Variants in KIAA0586 observed in about 807,000 individuals in gnomAD.
KIAA0586 encodes the protein KIAA0586, also known as protein TALPID3.
In KIAA0586, 144 loss-of-function variants were observed where a neutral mutation model predicts 169.8. The observed-to-expected ratio is 0.85, with a 90% CI of 0.74 to 0.97. The LOEUF (loss-of-function observed/expected upper bound fraction) is 0.97, where lower values mean the gene tolerates loss of function less well. Ranked by LOEUF, KIAA0586 falls within the 50% of genes least tolerant of loss-of-function variation. KIAA0586 has a pLI of 0.00. For synonymous variants in KIAA0586, 625 were observed against 612.4 expected (o/e 1.02, Z -0.30); for missense variants, 1,854 against 1,823.0 (o/e 1.02, Z -0.31).
intron 30 of KIAA0586, among the ~76,000 whole-genome samples, chr14:58,541,038 A>G (rs74058005): frequency 0.013 from 2,023 of 152,346 alleles, 50 homozygotes; most frequent in African/African-American, 0.045. Context: ...CAAGAACTCA[A>G]TAAAACACAG....
intron 9 of KIAA0586, 21 bp from the exon 10 acceptor site, chr14:58,456,681 T>G: frequency 7.1e-7 from 1 of 1,400,920 alleles, no homozygotes. Flanking sequence ...TCTGTAGCGT[T>G]GAAACTCTAC....
At chr14:58,486,762 T>G (rs577510503) in intron 21 of KIAA0586, among the ~76,000 whole-genome samples, 1 of 152,352 alleles carries the variant, frequency 6.6e-6, no homozygotes, top group Non-Finnish European at 1.5e-5. Context: ...AAATTACTTC[T>G]TCTCTATTTT....
rs376529595 is a variant in KIAA0586, at chr14:58,513,975, T to C, written c.4429+1348T>C. On this transcript the variant is annotated intron_variant, in intron 29 of 30. Transcript: ENST00000652326. ...ACAGTTGGATTTAATACATTTGAAA[T>C]GTTTTACATTTAATTTTACATCTAA... Among the ~76,000 whole-genome samples, 4 of 152,202 alleles carry C rather than the reference T, an allele frequency of 2.6e-5. 1 individual carries two copies.
chr14:58,560,289 T>C, the KIAA0586 span, among the ~76,000 whole-genome samples: 30 of 152,182 alleles, frequency 2.0e-4, no homozygotes, highest in African/African-American at 7.0e-4. Flanking sequence ...ACATGTTTCT[T>C]GAGTGAACAA....
intron 29 of KIAA0586, among the ~76,000 whole-genome samples, chr14:58,533,587 C>A (rs1194605160): frequency 1.3e-5 from 2 of 152,150 alleles, no homozygotes; most frequent in Non-Finnish European, 2.9e-5. Context: ...AAGTTCCCAT[C>A]TGGTTTGTAT....
At chr14:58,472,309 A>G (rs1424848015) in intron 18 of KIAA0586, 30 bp downstream of exon 18, 1 of 1,286,312 alleles carries the variant, frequency 7.8e-7, no homozygotes. Context: ...ATGAGAAATT[A>G]TTTTTCTACC....
intron 4 of KIAA0586, among the ~76,000 whole-genome samples, chr14:58,435,541 C>T (rs1254339997): frequency 6.6e-6 from 1 of 152,082 alleles, no homozygotes; most frequent in East Asian, 1.9e-4. Context: ...TATAGTCATT[C>T]CTCCTATCTA....
At chr14:58,560,210 G>T in the KIAA0586 span, among the ~76,000 whole-genome samples, 1 of 151,816 alleles carries the variant, frequency 6.6e-6, no homozygotes, top group Non-Finnish European at 1.5e-5. Flanking sequence ...CCAACAGCTG[G>T]TGGGAGGGCC....
chr14:58,508,524 T>A, intron 27 of KIAA0586, 31 bp from the exon 28 acceptor site: 1 of 1,493,032 alleles, frequency 6.7e-7, no homozygotes, highest in Non-Finnish European at 9.1e-7. Flanking sequence ...AACACTTTAT[T>A]TTAACTTTTT....
intron 29 of KIAA0586, chr14:58,537,184 T>G: frequency 9.5e-7 from 1 of 1,053,604 alleles, no homozygotes. Flanking sequence ...GCCACTTACT[T>G]GTTATAAGAA....
At chr14:58,522,606 C>A (rs1297607081) in intron 29 of KIAA0586, among the ~76,000 whole-genome samples, 1 of 151,986 alleles carries the variant, frequency 6.6e-6, no homozygotes. Flanking sequence ...TGTTTGGGAC[C>A]TTTTTTCCTC....
chr14:58,542,863 C>T lies in KIAA0586; in HGVS notation c.4495+2727C>T, dbSNP rs533218379. 3.3e-5 allele frequency among the ~76,000 whole-genome samples: 5 copies of T among 152,176 alleles called. No homozygotes were observed. The East Asian group carries it at 5.8e-4, about 18-fold the overall frequency. ...CCTCATAAAAACCTCTGAAGTCAGC[C>T]GGGCGTGGTGGCTCACACCTGTAAT... On this transcript the variant is annotated intron_variant, in intron 30 of 30. Transcript: ENST00000652326.
At chr14:58,543,890 G>C (rs2046819876) in intron 30 of KIAA0586, 2 of 455,166 alleles carry the variant, frequency 4.4e-6, no homozygotes, top group South Asian at 3.1e-5. Flanking sequence ...TAGGTTTGGG[G>C]GTACATGTGA....
At chr14:58,536,692 G>A (rs2046311899) in intron 29 of KIAA0586, among the ~76,000 whole-genome samples, 2 of 152,132 alleles carry the variant, frequency 1.3e-5, no homozygotes, top group Non-Finnish European at 2.9e-5. Context: ...AGTACTCCCT[G>A]TGTGCCTTCA....
chr14:58,480,133 A>G (rs1433670833), intron 20 of KIAA0586, among the ~76,000 whole-genome samples: 2 of 151,824 alleles, frequency 1.3e-5, no homozygotes, highest in African/African-American at 4.8e-5. Flanking sequence ...CTCATTACCT[A>G]CTTCCTCTTT....
At chr14:58,543,324 C>A (rs1414336486) in intron 30 of KIAA0586, among the ~76,000 whole-genome samples, 1 of 152,122 alleles carries the variant, frequency 6.6e-6, no homozygotes, top group Non-Finnish European at 1.5e-5. Flanking sequence ...TATTTCCTTA[C>A]TTGTCATTCA....
At chr14:58,547,103 T>C (rs2047028864) in intron 30 of KIAA0586, among the ~76,000 whole-genome samples, 1 of 151,778 alleles carries the variant, frequency 6.6e-6, no homozygotes, top group Admixed American at 6.6e-5. Context: ...CAAAGTGCCT[T>C]GGCAACCTTT....
intron 27 of KIAA0586, among the ~76,000 whole-genome samples, chr14:58,503,751 A>C (rs1284415455): frequency 2.0e-5 from 3 of 150,950 alleles, no homozygotes; most frequent in Admixed American, 2.0e-4. Context: ...AATGCTTGCC[A>C]TGTGGTGAGT....
chr14:58,520,716 A>G (rs1030953080), intron 29 of KIAA0586, among the ~76,000 whole-genome samples: 4 of 151,890 alleles, frequency 2.6e-5, no homozygotes, highest in Admixed American at 2.6e-4. Flanking sequence ...TGTAGAGACA[A>G]GGTCTCACTC....
Sources: gnomAD v4.1 joint callset for allele counts (sites outside exome capture counted in the v4.1 genomes callset) on GRCh38, gnomAD v4.1.1 for gene constraint, MANE v1.5 for transcripts, NCBI Gene and HGNC (gene_info 2026-07-23, HGNC 2026-07-21) for gene names.